The following ASTN2 variants were observed in gnomAD, a reference collection of about 807,000 sequenced individuals.
The protein encoded by ASTN2 is astrotactin 2, also known as astrotactin-2.
A neutral mutation model predicts 139.8 loss-of-function variants in ASTN2; 54 were observed. The observed-to-expected ratio is 0.39, with a 90% CI of 0.31 to 0.48. The LOEUF (loss-of-function observed/expected upper bound fraction) is 0.48, where lower values mean the gene tolerates loss of function less well. ASTN2 is among the 20% of genes least tolerant of loss of function. ASTN2 has a pLI of 0.95. For missense variants in ASTN2, 1,565 were observed against 1,725.1 expected (o/e 0.91, Z 1.64); for synonymous variants, 756 against 719.5 (o/e 1.05, Z -0.81).
intron 2 of ASTN2, among the ~76,000 whole-genome samples, chr9:117,273,437 G>T (rs1016895222): frequency 3.3e-5 from 5 of 152,166 alleles, no homozygotes; most frequent in Non-Finnish European, 5.9e-5. Flanking sequence ...CACAGGTAAA[G>T]GTTAGTTAAC....
intron 6 of ASTN2, among the ~76,000 whole-genome samples, chr9:117,026,583 CT>C (rs1838091698): frequency 6.6e-6 from 1 of 152,092 alleles, no homozygotes; most frequent in Non-Finnish European, 1.5e-5. Context: ...TACAGGAACT[CT>C]TTTTTCTTTA....
At chr9:116,748,959 C>A (rs1273011609) in intron 13 of ASTN2, among the ~76,000 whole-genome samples, 1 of 152,140 alleles carries the variant, frequency 6.6e-6, no homozygotes, top group African/African-American at 2.4e-5. Context: ...CTCATGGACA[C>A]CTTATGTCTT....
chr9:116,557,303 C>T (rs1381214007), intron 19 of ASTN2, among the ~76,000 whole-genome samples: 1 of 143,730 alleles, frequency 7.0e-6, no homozygotes, highest in Non-Finnish European at 1.5e-5. Flanking sequence ...TTTGAGAGTA[C>T]ATCACTACAA....
chr9:116,599,189 G>C (rs974647699), intron 19 of ASTN2, among the ~76,000 whole-genome samples: 1 of 152,184 alleles, frequency 6.6e-6, no homozygotes, highest in African/African-American at 2.4e-5. Flanking sequence ...GCCTACTGCT[G>C]TCACGTGAGG....
rs58640933 is a variant in ASTN2, at chr9:116,505,913, C to T, written c.3356-18413G>A. ...ACATGGTTCACTTCCTCCCACTTTC[C>T]GGTCTCTGCTCAAACATCACACCCT... On this transcript the variant is annotated intron_variant, in intron 19 of 22. Transcript: ENST00000313400. Among the ~76,000 whole-genome samples the T allele has an allele frequency of 1.3e-4, 20 of 152,144 alleles. No individual in the cohort carries two copies. The South Asian group carries it at 2.1e-3, about 16-fold the overall frequency.
rs554315303 is a variant in ASTN2 at position 117,395,802 on chromosome 9, A to C, written c.442+18695T>G. ...ACAAGGTGAGGGCAAAAAGGACTTG[A>C]AAGAGAATGCCTGTTGAGGTGTGGT... is the stretch of plus-strand genomic sequence containing the variant. On this transcript the variant is annotated intron_variant, in intron 1 of 22. Coordinates refer to ENST00000313400, the MANE Select transcript of ASTN2 (RefSeq NM_001365068.1). 2.6e-5 allele frequency among the ~76,000 whole-genome samples: 4 copies of C among 152,352 alleles called. No homozygotes were observed. In the South Asian group the frequency reaches 6.2e-4, roughly 24 times the overall value.
intron 17 of ASTN2, among the ~76,000 whole-genome samples, chr9:116,622,787 G>C (rs963672663): frequency 6.6e-6 from 1 of 152,202 alleles, no homozygotes; most frequent in Non-Finnish European, 1.5e-5. Context: ...TGCATATAAA[G>C]TGTCTGGGCC....
intron 19 of ASTN2, among the ~76,000 whole-genome samples, chr9:116,604,227 C>G (rs1052087989): frequency 6.6e-6 from 1 of 152,074 alleles, no homozygotes; most frequent in Admixed American, 6.5e-5. Flanking sequence ...GCTTTGTGAG[C>G]TATAAAGAAC....
At chr9:117,041,104 C>T (rs1047441372) in intron 5 of ASTN2, among the ~76,000 whole-genome samples, 5 of 152,018 alleles carry the variant, frequency 3.3e-5, no homozygotes, top group Admixed American at 1.3e-4. Flanking sequence ...GGATATAATA[C>T]GAAAAGTAGA....
chr9:117,140,487 C>A (rs950969391), intron 4 of ASTN2, among the ~76,000 whole-genome samples: 19 of 151,594 alleles, frequency 1.3e-4, no homozygotes, highest in Non-Finnish European at 2.4e-4. Flanking sequence ...TAAGCAGTGA[C>A]AAGTTGATTT....
At chr9:116,677,720 A>G (rs1456952032) in intron 16 of ASTN2, among the ~76,000 whole-genome samples, 3 of 152,200 alleles carry the variant, frequency 2.0e-5, no homozygotes, top group East Asian at 1.9e-4. Context: ...CTTCTCCCAT[A>G]GTATTTCCCT....
intron 4 of ASTN2, among the ~76,000 whole-genome samples, chr9:117,096,429 T>G (rs1828842835): frequency 1.3e-5 from 2 of 152,178 alleles, no homozygotes; most frequent in African/African-American, 4.8e-5. Flanking sequence ...AGGGATAAAA[T>G]TATTCACCTT....
chr9:117,013,481 TATA>T (rs1259303553), intron 6 of ASTN2, among the ~76,000 whole-genome samples: 1,572 of 37,748 alleles, frequency 0.042, 33 homozygotes, highest in African/African-American at 0.07. Context: ...TATATATATA[TATA>T]TATTTTTTTT....
chr9:117,206,743 A>C (rs1349876513), intron 3 of ASTN2, among the ~76,000 whole-genome samples: 1 of 152,046 alleles, frequency 6.6e-6, no homozygotes, highest in Non-Finnish European at 1.5e-5. Context: ...TAACGGTCCC[A>C]CCCACAGCTA....
At chr9:117,152,060 C>G (rs752487296) in intron 3 of ASTN2, among the ~76,000 whole-genome samples, 9 of 152,096 alleles carry the variant, frequency 5.9e-5, no homozygotes, top group Non-Finnish European at 1.3e-4. Flanking sequence ...CTTTAAGCCT[C>G]AGTTCCTTCT....
chr9:117,007,951 G>A (rs1837404452), intron 7 of ASTN2, 141 bp downstream of exon 7: 4 of 885,614 alleles, frequency 4.5e-6, no homozygotes, highest in Non-Finnish European at 6.3e-6. Context: ...ATACATTAGT[G>A]TTTATTAGAT....
chr9:117,275,564 C>G (rs1388053363), intron 2 of ASTN2, among the ~76,000 whole-genome samples: 1 of 119,188 alleles, frequency 8.4e-6, no homozygotes, highest in Non-Finnish European at 1.7e-5. Context: ...ATCTCTCCCT[C>G]TTTTTTTTTT....
At chr9:117,055,445 ATATTT>A (rs1839031305) in intron 5 of ASTN2, among the ~76,000 whole-genome samples, 2 of 152,214 alleles carry the variant, frequency 1.3e-5, no homozygotes, top group Non-Finnish European at 2.9e-5. Flanking sequence ...AGTAACACAC[ATATTT>A]TATTTAACAT....
intron 5 of ASTN2, among the ~76,000 whole-genome samples, chr9:117,092,641 C>T (rs745921076): frequency 6.6e-6 from 1 of 152,182 alleles, no homozygotes; most frequent in African/African-American, 2.4e-5. Context: ...GTCCCAAATG[C>T]TATTAGATGA....
Sources: allele counts gnomAD v4.1 joint callset (sites outside exome capture counted in the v4.1 genomes callset), GRCh38; gene constraint gnomAD v4.1.1; transcripts MANE v1.5; gene names NCBI Gene and HGNC (gene_info 2026-07-23, HGNC 2026-07-21).